The following PLD3 variants were observed in gnomAD, a reference collection of about 807,000 sequenced individuals.
PLD3 encodes the protein phospholipase D family member 3, also known as 5'-3' exonuclease PLD3.
PLD3 carries 31 observed loss-of-function variants against 58.4 expected under a neutral mutation model. The ratio of observed to expected loss-of-function variants is 0.53; its 90% CI spans 0.40 to 0.72. PLD3 has a LOEUF of 0.72. PLD3 is among the 30% of genes least tolerant of loss of function. The pLI is 0.00. For missense variants in PLD3, 595 were observed against 659.8 expected (o/e 0.90, Z 1.08); for synonymous variants, 264 against 273.4 (o/e 0.97, Z 0.34).
intron 5 of PLD3, 62 bp downstream of exon 5, chr19:40,366,977 C>G: frequency 1.3e-6 from 2 of 1,519,976 alleles, no homozygotes; most frequent in Non-Finnish European, 1.8e-6. Flanking sequence ...CACTTAAGCA[C>G]ACACTAAACA....
rs151061575 is a variant in PLD3 at position 40,368,058 on chromosome 19, G to A, written c.429+179G>A. Among the ~76,000 whole-genome samples the A allele has an allele frequency of 3.3e-3, 497 of 152,296 alleles. 3 individuals carry two copies. Among genetic ancestry groups the A allele is most frequent in the Middle Eastern group, 6.8e-3 (2 of 294 alleles). On this transcript the variant is annotated intron_variant, in intron 6 of 12. Coordinates refer to ENST00000409735, the MANE Select transcript of PLD3 (RefSeq NM_012268.4). ...TCACGTGGCTCTCTGGACTGGGGGCGTTTGTCACGGTCATCTGTAGGCCTC... is the reference window on the plus strand; with the variant it reads ...TCACGTGGCTCTCTGGACTGGGGGCATTTGTCACGGTCATCTGTAGGCCTC...
chr19:40,367,544 G>A, intron 5 of PLD3, 152 bp from the exon 6 acceptor site: 2 of 613,178 alleles, frequency 3.3e-6, no homozygotes, highest in East Asian at 2.8e-5. Flanking sequence ...TGGCGCCACT[G>A]CGCTTCCAGC....
chr19:40,350,789 T>C (rs999850284), intron 1 of PLD3, among the ~76,000 whole-genome samples: 1 of 151,240 alleles, frequency 6.6e-6, no homozygotes, highest in Non-Finnish European at 1.5e-5. Context: ...TACTACACTC[T>C]AGTGGGGGTA....
At chr19:40,367,040 C>T (rs531904870) in intron 5 of PLD3, 125 bp downstream of exon 5, 43 of 1,071,788 alleles carry the variant, frequency 4.0e-5, no homozygotes, top group Admixed American at 5.6e-5. Context: ...AGGTTGCAGG[C>T]TCCCAAGTGC....
intron 6 of PLD3, among the ~76,000 whole-genome samples, chr19:40,369,306 A>G (rs1267460050): frequency 6.6e-6 from 1 of 151,656 alleles, no homozygotes; most frequent in Non-Finnish European, 1.5e-5. Flanking sequence ...GGCAGGCGGA[A>G]TGCTTGAGCC....
At chr19:40,351,841 A>T (rs1348277095) in intron 1 of PLD3, among the ~76,000 whole-genome samples, 1 of 152,194 alleles carries the variant, frequency 6.6e-6, no homozygotes, top group Non-Finnish European at 1.5e-5. Context: ...TGAAGCCATC[A>T]CCCTGAGCTG....
intron 10 of PLD3, among the ~76,000 whole-genome samples, chr19:40,375,555 C>T (rs962652169): frequency 2.5e-4 from 38 of 149,692 alleles, no homozygotes; most frequent in African/African-American, 8.9e-4. Context: ...GAGGCTGAGG[C>T]AGGAGAATCG....
At chr19:40,349,648 C>G (rs1886903169) in intron 1 of PLD3, among the ~76,000 whole-genome samples, 1 of 152,144 alleles carries the variant, frequency 6.6e-6, no homozygotes, top group South Asian at 2.1e-4. Flanking sequence ...GTGTTTTTGG[C>G]TAATATTGTT....
intron 8 of PLD3, among the ~76,000 whole-genome samples, chr19:40,371,241 A>T (rs1222344309): frequency 1.3e-5 from 2 of 152,230 alleles, no homozygotes; most frequent in African/African-American, 2.4e-5. Flanking sequence ...CTGTAGATAT[A>T]GCTGTGACTG....
intron 4 of PLD3, 43 bp downstream of exon 4, chr19:40,366,727 T>G: frequency 6.2e-7 from 1 of 1,613,966 alleles, no homozygotes; most frequent in Non-Finnish European, 8.5e-7. Flanking sequence ...AGAGACAGGC[T>G]GGGCTGCCCC....
intron 9 of PLD3, 57 bp from the exon 10 acceptor site, chr19:40,374,424 T>A (rs2079141732): frequency 1.3e-6 from 2 of 1,593,558 alleles, no homozygotes; most frequent in Non-Finnish European, 1.7e-6. Flanking sequence ...GTATGTGGGG[T>A]CCGTTGTGAC....
chr19:40,373,431 G>A (rs2079112725), intron 9 of PLD3, among the ~76,000 whole-genome samples: 1 of 152,090 alleles, frequency 6.6e-6, no homozygotes, highest in Admixed American at 6.5e-5. Context: ...ACAAAAATTA[G>A]CCTGGAGGGG....
chr19:40,374,413 C>T (rs973550845), intron 9 of PLD3, 68 bp from the exon 10 acceptor site: 13 of 1,563,116 alleles, frequency 8.3e-6, no homozygotes, highest in African/African-American at 4.1e-5. Flanking sequence ...GTGAGCTGTC[C>T]GTATGTGGGG....
rs547574424 is a variant in PLD3, at chr19:40,348,716, G to A, written c.-331G>A. ...GGAGGGGCCGTCAGGCGGGGATACA[G>A]CCTGGAAGGTGCGTGTGGGGCTGGG... On this transcript the variant is annotated 5_prime_UTR_variant, in exon 1 of 13. Transcript: ENST00000409735. 4.5e-4 allele frequency: 252 copies of A among 565,528 alleles called. No homozygotes were observed. The African/African-American group carries it at 4.6e-3, about 10-fold the overall frequency. The allele number at this position is 565,528 out of a possible 1,614,324, so 35.0% of individuals were successfully genotyped here. A position where few individuals can be genotyped will look rare whatever the true frequency, so the allele number is the denominator to read the frequency against.
rs193274241 is a variant in PLD3, at chr19:40,353,857, C to T, written c.-279+5089C>T. Among the ~76,000 whole-genome samples, 552 of 151,692 alleles carry T rather than the reference C, an allele frequency of 3.6e-3. 5 individuals carry two copies. Among genetic ancestry groups the T allele is most frequent in the African/African-American group, 0.013 (526 of 41,396 alleles). ...CCTCCCAAAGTGCTGGGATTACAGG[C>T]GTGAGCCACCACACCTGGCCCTACC... On this transcript the variant is annotated intron_variant, in intron 1 of 12. Transcript: ENST00000409735.
chr19:40,364,525 C>T (rs1309165638), intron 1 of PLD3, among the ~76,000 whole-genome samples: 1 of 151,824 alleles, frequency 6.6e-6, no homozygotes, highest in Non-Finnish European at 1.5e-5. Context: ...GGCGCGGTGG[C>T]TCATGCCTGT....
rs763559067 is a variant in PLD3 at position 40,350,260 on chromosome 19, C to CAAA, written c.-279+1513_-279+1515dup. Among the ~76,000 whole-genome samples, 264 of 67,224 alleles carry CAAA rather than the reference C, an allele frequency of 3.9e-3. 7 individuals carry two copies. Among genetic ancestry groups the CAAA allele is most frequent in the Middle Eastern group, 9.6e-3 (1 of 104 alleles). The allele number at this position is 67,224 out of a possible 152,430, so 44.1% of individuals were successfully genotyped here. A position where few individuals can be genotyped will look rare whatever the true frequency, so the allele number is the denominator to read the frequency against. ...GGGCAACAAGAGCGAGACTCCGTCT[C>CAAA]AAAAAAAAAAAAAAAAAAAAAAACT... On this transcript the variant is annotated intron_variant, in intron 1 of 12. Transcript: ENST00000409735.
chr19:40,367,661 G>GCACC lies in PLD3; in HGVS notation c.246-34_246-31dup, dbSNP rs201921729. 7.4e-4 allele frequency: 1,160 copies of GCACC among 1,570,694 alleles called. 9 individuals are homozygous for GCACC. The African/African-American group carries it at 0.013, about 18-fold the overall frequency. On this transcript the variant is annotated intron_variant, in intron 5 of 12. Coordinates refer to ENST00000409735, the MANE Select transcript of PLD3 (RefSeq NM_012268.4). ...CTCACCTCCCAGCCCTTGCTCTCCG[G>GCACC]CACCGTATGGCTGATAGCATCCCCC... is the stretch of plus-strand genomic sequence containing the variant.
intron 1 of PLD3, among the ~76,000 whole-genome samples, chr19:40,353,470 C>G (rs1200367590): frequency 6.6e-6 from 1 of 152,140 alleles, no homozygotes; most frequent in Non-Finnish European, 1.5e-5. Flanking sequence ...CAATGCTGTG[C>G]AACCTAAGCA....
Sources: allele counts gnomAD v4.1 joint callset (sites outside exome capture counted in the v4.1 genomes callset), GRCh38; gene constraint gnomAD v4.1.1; transcripts MANE v1.5; gene names NCBI Gene and HGNC (gene_info 2026-07-23, HGNC 2026-07-21).